ARMH3: variants seen among roughly 807,000 people sequenced by gnomAD.
ARMH3 encodes the protein armadillo like helical domain containing 3.
A neutral mutation model predicts 99.1 loss-of-function variants in ARMH3; 60 were observed. The observed-to-expected ratio is 0.61, with a 90% confidence interval of 0.49 to 0.75. The LOEUF (loss-of-function observed/expected upper bound fraction) is 0.75, where lower values mean the gene tolerates loss of function less well. Ranked by LOEUF, ARMH3 falls within the 30% of genes least tolerant of loss-of-function variation. The pLI, the probability that ARMH3 is intolerant of heterozygous loss-of-function variation, is 0.00. For synonymous variants in ARMH3, 285 were observed against 292.8 expected, an observed-to-expected ratio of 0.97 and a Z score of 0.27; for missense variants, 679 against 843.1, an observed-to-expected ratio of 0.81 and a Z score of 2.41.
intron 24 of ARMH3, among the ~76,000 whole-genome samples, chr10:101,864,697 A>G (rs1247302037): frequency 6.6e-6 from 1 of 152,168 alleles, no homozygotes; most frequent in African/African-American, 2.4e-5. Flanking sequence ...GAACAATGAG[A>G]ACACTTGGAC....
At chr10:101,986,408 C>T (rs896667571) in intron 19 of ARMH3, among the ~76,000 whole-genome samples, 6 of 151,690 alleles carry the variant, frequency 4.0e-5, no homozygotes, top group Non-Finnish European at 5.9e-5. Context: ...GTAATTGGTT[C>T]GGTTTTGCTA....
chr10:101,930,417 A>G (rs933808094), intron 23 of ARMH3, among the ~76,000 whole-genome samples: 3 of 152,012 alleles, frequency 2.0e-5, no homozygotes, highest in Non-Finnish European at 4.4e-5. Flanking sequence ...AAGTAATAGC[A>G]GTTTTGCCAT....
In ARMH3 at chr10:101,940,009, C is replaced by G. The variant is rs551386020; in HGVS notation, c.1706-71G>C. ...AACACAAACATGAGGAATGAAGACACATCTCAGAATAGCACTCTCAGAATA... is the reference window on the plus strand; with the variant it reads ...AACACAAACATGAGGAATGAAGACAGATCTCAGAATAGCACTCTCAGAATA... On this transcript the variant is annotated intron_variant, in intron 22 of 25. Coordinates refer to ENST00000370033, the MANE Select transcript of ARMH3 (RefSeq NM_024541.3). 1.4e-5 allele frequency: 18 copies of G among 1,277,238 alleles called. No homozygotes were observed. The South Asian group carries it at 2.1e-4, about 15-fold the overall frequency. 79.1% of individuals were successfully genotyped at this position (1,277,238 alleles called of 1,614,324 possible).
chr10:101,948,108 A>G (rs1313365502), intron 22 of ARMH3, among the ~76,000 whole-genome samples: 1 of 152,204 alleles, frequency 6.6e-6, no homozygotes, highest in African/African-American at 2.4e-5. Flanking sequence ...TGATTATCGC[A>G]TTGTAAATAT....
intron 2 of ARMH3, among the ~76,000 whole-genome samples, chr10:102,038,246 C>G (rs955102567): frequency 2.0e-5 from 3 of 151,900 alleles, no homozygotes; most frequent in African/African-American, 7.3e-5. Context: ...AGGCGCCCAC[C>G]ACCATGCTCA....
intron 23 of ARMH3, among the ~76,000 whole-genome samples, chr10:101,936,551 C>T (rs1311122032): frequency 6.7e-6 from 1 of 150,086 alleles, no homozygotes; most frequent in Non-Finnish European, 1.5e-5. Flanking sequence ...AGGAAACACT[C>T]TGAGGAAGGG....
In ARMH3 at chr10:102,041,090, A is replaced by ATAATATAT. The variant is rs1554897209; in HGVS notation, c.-11-966_-11-965insATATATTA. 1.4e-4 allele frequency among the ~76,000 whole-genome samples: 19 copies of ATAATATAT among 132,640 alleles called. No individual in the cohort carries two copies. In the South Asian group the frequency reaches 2.2e-3, roughly 15 times the overall value. The allele number at this position is 132,640 out of a possible 152,430, so 87.0% of individuals were successfully genotyped here. On this transcript the variant is annotated intron_variant, in intron 1 of 25. Transcript: ENST00000370033. Reference sequence around the variant, plus strand: ...ATTGTGTGTACATATATATATATATAATATATATATATATATATATATGTA... The same window carrying ATAATATAT: ...ATTGTGTGTACATATATATATATATATAATATATATATATATATATATATATATATGTA...
At chr10:101,988,759 C>G (rs1331651692) in intron 19 of ARMH3, among the ~76,000 whole-genome samples, 1 of 151,760 alleles carries the variant, frequency 6.6e-6, no homozygotes, top group Non-Finnish European at 1.5e-5. Context: ...CCTGTCTCTA[C>G]TAAAAAATAC....
chr10:101,980,240 G>C (rs1846167784), intron 19 of ARMH3, among the ~76,000 whole-genome samples: 1 of 152,066 alleles, frequency 6.6e-6, no homozygotes, highest in Non-Finnish European at 1.5e-5. Flanking sequence ...ACTGAACCTA[G>C]GTAAACTGCT....
In ARMH3 at chr10:101,936,148, C is replaced by T. The variant is rs549121858; in HGVS notation, c.1781+3715G>A. On this transcript the variant is annotated intron_variant, in intron 23 of 25. Transcript: ENST00000370033. ...TTCAAAGCTATCAAGTTCTCCCTAC[C>T]AAGGAAAGCAAAACACCTTTCAAGG... is the stretch of plus-strand genomic sequence containing the variant. Among the ~76,000 whole-genome samples the T allele has an allele frequency of 2.0e-5, 3 of 152,018 alleles. No individual in the cohort carries two copies. The South Asian group carries it at 6.2e-4, about 32-fold the overall frequency.
chr10:101,880,715 C>T (rs2067393398), intron 24 of ARMH3, among the ~76,000 whole-genome samples: 1 of 152,144 alleles, frequency 6.6e-6, no homozygotes, highest in Non-Finnish European at 1.5e-5. Context: ...GACTCTCAAG[C>T]TGAAGTATCA....
intron 24 of ARMH3, among the ~76,000 whole-genome samples, chr10:101,866,094 G>C (rs765571621): frequency 2.0e-5 from 3 of 151,946 alleles, no homozygotes; most frequent in Non-Finnish European, 2.9e-5. Context: ...GGTGGCACTT[G>C]CCTGTAATCT....
intron 19 of ARMH3, among the ~76,000 whole-genome samples, chr10:101,981,801 G>A (rs895926164): frequency 4.7e-5 from 7 of 149,944 alleles, no homozygotes; most frequent in Non-Finnish European, 1.0e-4. Flanking sequence ...GGTGGATCAC[G>A]AGGTCAGGAG....
At chr10:101,920,369 C>G (rs780374076) in intron 23 of ARMH3, among the ~76,000 whole-genome samples, 3 of 152,098 alleles carry the variant, frequency 2.0e-5, no homozygotes, top group African/African-American at 7.2e-5. Flanking sequence ...TCTGGTTTGT[C>G]CAGAGAACTC....
chr10:101,977,761 T>C (rs1468981961), intron 19 of ARMH3, among the ~76,000 whole-genome samples: 2 of 152,208 alleles, frequency 1.3e-5, no homozygotes, highest in African/African-American at 4.8e-5. Context: ...AAGTCTGTTA[T>C]ATAAGCCAGT....
At chr10:101,939,438 T>C (rs1564772649) in intron 23 of ARMH3, among the ~76,000 whole-genome samples, 1 of 152,178 alleles carries the variant, frequency 6.6e-6, no homozygotes, top group Non-Finnish European at 1.5e-5. Context: ...CTCAGCCCCA[T>C]GGACTCCAAT....
At chr10:102,033,407 T>G in intron 2 of ARMH3, 68 bp from the exon 3 acceptor site, 1 of 1,450,272 alleles carries the variant, frequency 6.9e-7, no homozygotes, top group Non-Finnish European at 9.4e-7. Flanking sequence ...ATACTATACA[T>G]AGTCAACCTT....
chr10:101,901,549 A>C (rs1185356587), intron 23 of ARMH3, among the ~76,000 whole-genome samples: 1 of 152,014 alleles, frequency 6.6e-6, no homozygotes. Context: ...TCACCCACCC[A>C]CTGTGACAGA....
intron 19 of ARMH3, among the ~76,000 whole-genome samples, chr10:101,985,243 T>C (rs1272518728): frequency 1.3e-5 from 2 of 148,964 alleles, no homozygotes; most frequent in Non-Finnish European, 3.0e-5. Context: ...CATGTATATA[T>C]ACGTGTGTAT....
Sources: allele counts gnomAD v4.1 joint callset (sites outside exome capture counted in the v4.1 genomes callset), GRCh38; gene constraint gnomAD v4.1.1; transcripts MANE v1.5; gene names NCBI Gene and HGNC (gene_info 2026-07-23, HGNC 2026-07-21).